Variants in MTAP observed in about 807,000 individuals in gnomAD.
MTAP encodes the protein methylthioadenosine phosphorylase, also known as S-methyl-5'-thioadenosine phosphorylase.
In MTAP, 33 loss-of-function variants were observed where a neutral mutation model predicts 33.6. The observed-to-expected ratio is 0.98, with a 90% confidence interval of 0.74 to 1.31. The LOEUF (loss-of-function observed/expected upper bound fraction) is 1.31, where lower values mean the gene tolerates loss of function less well. MTAP is among the 40% of genes most tolerant of loss of function. The probability of loss-of-function intolerance (pLI) is 0.00; values close to 1 mark genes in which losing one functional copy is unlikely to be tolerated. For synonymous variants in MTAP, 148 were observed against 125.7 expected, an observed-to-expected ratio of 1.18 and a Z score of -1.19; for missense variants, 367 against 360.0, an observed-to-expected ratio of 1.02 and a Z score of -0.16.
At chr9:21,848,953 G>A (rs574760414) in intron 5 of MTAP, among the ~76,000 whole-genome samples, 10 of 152,304 alleles carry the variant, frequency 6.6e-5, no homozygotes, top group Middle Eastern at 3.4e-3. Context: ...AGTCTGACTC[G>A]TGTAAAGCTC....
intron 4 of MTAP, 115 bp downstream of exon 4, chr9:21,818,317 CTTTTTTTTTTTTTTTTTTT>C: frequency 4.2e-6 from 1 of 240,494 alleles, no homozygotes; most frequent in Non-Finnish European, 7.1e-6. Flanking sequence ...GACTCGCTTG[CTTTTTTTTTTTTTTTTTTT>C]TTTTTTTTGG....
In MTAP at chr9:21,815,446, G is replaced by A; in HGVS notation, c.47G>A (p.Gly16Asp). 2 of 1,600,598 alleles carry A rather than the reference G, an allele frequency of 1.2e-6. No homozygotes were observed. The highest frequency in any genetic ancestry group is 1.7e-6 in the Non-Finnish European group (2 of 1,172,654). The part of the protein sequence containing the change: ...TTTAVKIGII[G>D]GTGLDDPEIL... The stretch of plus-strand genomic sequence containing the variant: ...TTTCTCTCTTAGATTGGAATAATTG[G>A]TGGAACAGGCCTGGATGATCCAGAA... Residue 16 changes from glycine to aspartate, a missense_variant, in exon 2 of 8, where the codon GGT (glycine) becomes GAT (aspartate). Coordinates refer to ENST00000644715, the MANE Select transcript of MTAP (RefSeq NM_002451.4).
downstream of MTAP, among the ~76,000 whole-genome samples, chr9:21,938,348 G>T (rs1195521790): frequency 1.3e-5 from 2 of 151,678 alleles, no homozygotes; most frequent in African/African-American, 4.8e-5. Context: ...TGAGGTGGGA[G>T]GATCACCTGA....
At chr9:21,850,211 A>G (rs1174544535) in intron 5 of MTAP, among the ~76,000 whole-genome samples, 2 of 152,338 alleles carry the variant, frequency 1.3e-5, no homozygotes, top group South Asian at 4.2e-4. Context: ...ACTAAAATTC[A>G]GGGACCTTCT....
chr9:21,912,003 C>T (rs372230508), intron 1 of MTAP, among the ~76,000 whole-genome samples: 3 of 152,166 alleles, frequency 2.0e-5, no homozygotes, highest in Admixed American at 1.3e-4. Flanking sequence ...CTATAAACAC[C>T]TCTACGCAAA....
intron 1 of MTAP, among the ~76,000 whole-genome samples, chr9:21,881,506 A>ATATGAAATATTTC (rs1818010655): frequency 6.6e-6 from 1 of 152,112 alleles, no homozygotes; most frequent in Non-Finnish European, 1.5e-5. Flanking sequence ...ATGAGGGGTT[A>ATATGAAATATTTC]ATATCCAGAA....
chr9:21,864,214 A>G lies in MTAP; in HGVS notation c.*2200A>G. On this transcript the variant is annotated 3_prime_UTR_variant, in exon 8 of 8. Coordinates refer to ENST00000644715, the MANE Select transcript of MTAP (RefSeq NM_002451.4). ...CATCATTTTCAGACTAACTAAATGA[A>G]TGCAGTATACTCTTTTCTTTGTTCT... The G allele has an allele frequency of 1.0e-6, 1 of 985,440 alleles. No individual in the cohort carries two copies. Among genetic ancestry groups the G allele is most frequent in the South Asian group, 4.7e-5 (1 of 21,286 alleles). The allele number at this position is 985,440 out of a possible 1,614,324, so 61.0% of individuals were successfully genotyped here.
chr9:21,896,947 A>C (rs780201370), intron 1 of MTAP, among the ~76,000 whole-genome samples: 2 of 152,178 alleles, frequency 1.3e-5, no homozygotes, highest in Non-Finnish European at 2.9e-5. Flanking sequence ...TTTTAAACCA[A>C]TATCCCTGAT....
intron 1 of MTAP, among the ~76,000 whole-genome samples, chr9:21,882,614 A>G (rs1426914079): frequency 6.6e-6 from 1 of 151,680 alleles, no homozygotes; most frequent in Non-Finnish European, 1.5e-5. Context: ...GGAAAATTTG[A>G]ACAACATAAT....
intron 1 of MTAP, among the ~76,000 whole-genome samples, chr9:21,878,432 C>G (rs1826041921): frequency 6.6e-6 from 1 of 151,924 alleles, no homozygotes; most frequent in African/African-American, 2.4e-5. Flanking sequence ...TCTGGTTCCT[C>G]TAGTTGTAAT....
chr9:21,824,447 G>A (rs1378889668), intron 4 of MTAP, among the ~76,000 whole-genome samples: 1 of 152,222 alleles, frequency 6.6e-6, no homozygotes, highest in Non-Finnish European at 1.5e-5. Flanking sequence ...GTTCCTGCCT[G>A]ATTGTTCCTC....
At chr9:21,930,354 T>G in intron 1 of MTAP, 1 of 207,012 alleles carries the variant, frequency 4.8e-6, no homozygotes, top group Admixed American at 5.4e-5. Context: ...GCCTTCTGTG[T>G]TTGTGGCCAA....
At chr9:21,888,633 G>GCTAC (rs1390770325) in intron 1 of MTAP, among the ~76,000 whole-genome samples, 2 of 126,322 alleles carry the variant, frequency 1.6e-5, no homozygotes, top group Non-Finnish European at 3.1e-5. Flanking sequence ...TATAAAAATA[G>GCTAC]CTACTCCTGC....
intron 1 of MTAP, among the ~76,000 whole-genome samples, chr9:21,808,399 G>A (rs1040469601): frequency 6.7e-6 from 1 of 148,796 alleles, no homozygotes; most frequent in Non-Finnish European, 1.5e-5. Context: ...AGCCTGGGCA[G>A]CATGGTGAAA....
chr9:21,915,041 TTCCTTCCTTCCTTC>T (rs1818658548), intron 1 of MTAP, among the ~76,000 whole-genome samples: 2 of 111,372 alleles, frequency 1.8e-5, no homozygotes, highest in African/African-American at 9.6e-5. Context: ...CCTTCCTTCC[TTCCTTCCTTCCTTC>T]CTTTCTTTCT....
chr9:21,911,020 A>G (rs1818567871), intron 1 of MTAP, among the ~76,000 whole-genome samples: 1 of 152,228 alleles, frequency 6.6e-6, no homozygotes, highest in Admixed American at 6.5e-5. Flanking sequence ...AACAAAGATC[A>G]AAAGAGACAA....
downstream of MTAP, chr9:21,933,530 C>T (rs917206228): frequency 2.6e-5 from 4 of 151,918 alleles, no homozygotes; most frequent in African/African-American, 9.7e-5. Context: ...TATGCAAATG[C>T]CAGGGAGATT....
intron 1 of MTAP, among the ~76,000 whole-genome samples, chr9:21,920,040 A>G (rs1342261350): frequency 6.7e-6 from 1 of 150,166 alleles, no homozygotes; most frequent in Non-Finnish European, 1.5e-5. Context: ...TTACATTAGG[A>G]TTAGAGACAA....
chr9:21,834,655 C>T (rs2118282588), intron 4 of MTAP, among the ~76,000 whole-genome samples: 1 of 152,330 alleles, frequency 6.6e-6, no homozygotes, highest in South Asian at 2.1e-4. Context: ...ACTCTTCTGC[C>T]TCCGTCTTCC....
Sources: allele counts gnomAD v4.1 joint callset (sites outside exome capture counted in the v4.1 genomes callset), GRCh38; gene constraint gnomAD v4.1.1; transcripts MANE v1.5; gene names NCBI Gene and HGNC (gene_info 2026-07-23, HGNC 2026-07-21).